The following ZFP91 variants were observed in gnomAD, a reference collection of about 807,000 sequenced individuals.
ZFP91 encodes E3 ubiquitin-protein ligase ZFP91.
Under a neutral mutation model 63.5 loss-of-function variants are expected in ZFP91, and 7 were observed. The ratio of observed to expected loss-of-function variants is 0.11; its 90% confidence interval spans 0.06 to 0.21. ZFP91 has a LOEUF of 0.21. Ranked by LOEUF, ZFP91 falls within the 10% of genes least tolerant of loss-of-function variation. The probability of loss-of-function intolerance (pLI) is 1.00; values close to 1 mark genes in which losing one functional copy is unlikely to be tolerated. For synonymous variants in ZFP91, 330 were observed against 272.1 expected (o/e 1.21, Z -2.10); for missense variants, 628 against 736.6 (o/e 0.85, Z 1.71).
chr11:58,597,538 C>A (rs1328603771), intron 2 of ZFP91, among the ~76,000 whole-genome samples: 1 of 152,144 alleles, frequency 6.6e-6, no homozygotes, highest in Non-Finnish European at 1.5e-5. Context: ...TCAAACCATT[C>A]TTTGCTGACA....
chr11:58,612,473 G>C, intron 7 of ZFP91, 145 bp downstream of exon 7: 1 of 723,452 alleles, frequency 1.4e-6, no homozygotes, highest in Non-Finnish European at 2.3e-6. Context: ...AGATGCACAG[G>C]TGTTATGATC....
At chr11:58,594,022 C>T (rs1299279644) in intron 2 of ZFP91, among the ~76,000 whole-genome samples, 6 of 152,164 alleles carry the variant, frequency 3.9e-5, no homozygotes, top group Admixed American at 6.5e-5. Context: ...TAGCTGGTTA[C>T]CTAGCATCTA....
chr11:58,611,423 A>G, intron 5 of ZFP91, 181 bp from the exon 6 acceptor site: 1 of 773,392 alleles, frequency 1.3e-6, no homozygotes, highest in Admixed American at 2.7e-5. Context: ...TCCATGAGCA[A>G]CATATACATA....
rs1855826031 is a variant in ZFP91, at chr11:58,620,230, C to G, written c.*2524C>G. 1 of 152,006 alleles carries G rather than the reference C, an allele frequency of 6.6e-6. No individual in the cohort carries two copies. Among genetic ancestry groups the G allele is most frequent in the Admixed American group, 6.6e-5 (1 of 15,264 alleles). The allele number at this position is 152,006 out of a possible 1,614,324, so 9.4% of individuals were successfully genotyped here. A position where few individuals can be genotyped will look rare whatever the true frequency, so the allele number is the denominator to read the frequency against. ...ATTTTTTATAGACTTTATATTTTTC[C>G]TTTTGATAAAGGGATGCTGCATAGT... On this transcript the variant is annotated 3_prime_UTR_variant, in exon 11 of 11. Transcript: ENST00000316059.
intron 2 of ZFP91, among the ~76,000 whole-genome samples, chr11:58,596,872 C>A (rs888228393): frequency 1.3e-4 from 20 of 152,086 alleles, no homozygotes; most frequent in Admixed American, 1.1e-3. Flanking sequence ...TCATGATGTT[C>A]TCTCTATTGG....
Position 58,580,711 on chromosome 11 carries a change from C to T in ZFP91, c.341+1089C>T, listed in dbSNP as rs373681951. Among the ~76,000 whole-genome samples, 4 of 152,228 alleles carry T rather than the reference C, an allele frequency of 2.6e-5. No individual in the cohort carries two copies. The East Asian group carries it at 7.7e-4, about 29-fold the overall frequency. Reference sequence around the variant, plus strand: ...TGTCTTGGCATGCTTGCCTTAGAAGCCTCTCAGAAAGAGAAATAAAATTCA... The same window carrying T: ...TGTCTTGGCATGCTTGCCTTAGAAGTCTCTCAGAAAGAGAAATAAAATTCA... On this transcript the variant is annotated intron_variant, in intron 1 of 10. Coordinates refer to ENST00000316059, the MANE Select transcript of ZFP91 (RefSeq NM_053023.5).
chr11:58,620,729 T>C lies in ZFP91; in HGVS notation c.*3023T>C, dbSNP rs1187450447. 6.6e-6 allele frequency: 1 copy of C among 152,650 alleles called. No individual in the cohort carries two copies. Among genetic ancestry groups the C allele is most frequent in the Non-Finnish European group, 1.5e-5 (1 of 68,034 alleles). The allele number at this position is 152,650 out of a possible 1,614,324, so 9.5% of individuals were successfully genotyped here. ...CTAAGATTATTATAGTCTGGTTGTT[T>C]GAAATACCATTTTTTTCTCCTTTTG... On this transcript the variant is annotated 3_prime_UTR_variant, in exon 11 of 11. Transcript: ENST00000316059.
chr11:58,585,744 T>C (rs1855197504), intron 2 of ZFP91, among the ~76,000 whole-genome samples: 1 of 152,206 alleles, frequency 6.6e-6, no homozygotes, highest in Non-Finnish European at 1.5e-5. Flanking sequence ...GTATTACATG[T>C]ACATGAGAAT....
Position 58,618,923 on chromosome 11 carries a change from ATGATTG to A in ZFP91, c.*1219_*1224del, listed in dbSNP as rs1384990869. 1 of 209,844 alleles carries A rather than the reference ATGATTG, an allele frequency of 4.8e-6. No individual in the cohort carries two copies. The highest frequency in any genetic ancestry group is 2.4e-5 in the African/African-American group (1 of 42,098). 13.0% of individuals were successfully genotyped at this position (209,844 alleles called of 1,614,324 possible). A position where few individuals can be genotyped will look rare whatever the true frequency, so the allele number is the denominator to read the frequency against. On this transcript the variant is annotated 3_prime_UTR_variant, in exon 11 of 11. Coordinates refer to ENST00000316059, the MANE Select transcript of ZFP91 (RefSeq NM_053023.5). ...TGTTCAGAATCTAAATTACAGATAG[ATGATTG>A]TTTCTTGTGAATTTGTTTCTTTTCC...
intron 8 of ZFP91, 27 bp from the exon 9 acceptor site, chr11:58,614,202 T>C (rs1388139427): frequency 1.9e-5 from 28 of 1,477,152 alleles, no homozygotes; most frequent in South Asian, 8.9e-5. Flanking sequence ...TTTTTTTTTT[T>C]CGCCCCTTTC....
At chr11:58,581,279 T>C (rs1328091695) in intron 1 of ZFP91, among the ~76,000 whole-genome samples, 2 of 152,262 alleles carry the variant, frequency 1.3e-5, no homozygotes, top group Non-Finnish European at 2.9e-5. Flanking sequence ...TAAAATTTCC[T>C]TTTATTCTCA....
intron 2 of ZFP91, among the ~76,000 whole-genome samples, chr11:58,608,930 A>G (rs1173567348): frequency 6.6e-6 from 1 of 152,126 alleles, no homozygotes; most frequent in Admixed American, 6.6e-5. Flanking sequence ...CTATTGGGTT[A>G]TTAGACTTTG....
At chr11:58,582,698 C>T (rs1855139032) in intron 1 of ZFP91, among the ~76,000 whole-genome samples, 1 of 152,116 alleles carries the variant, frequency 6.6e-6, no homozygotes, top group Admixed American at 6.5e-5. Context: ...CACTTAACCT[C>T]TTCATTTATA....
chr11:58,620,375 CAA>C lies in ZFP91; in HGVS notation c.*2671_*2672del, dbSNP rs1179976490. 4 of 152,186 alleles carry C rather than the reference CAA, an allele frequency of 2.6e-5. No individual in the cohort carries two copies. The highest frequency in any genetic ancestry group is 9.7e-5 in the African/African-American group (4 of 41,426). The allele number at this position is 152,186 out of a possible 1,614,324, so 9.4% of individuals were successfully genotyped here. Reference sequence around the variant, plus strand: ...AAGTTCTACATTTCATGCTCTTAGTCAAATTCTGTTACCTTTTTAATAACTCT... The same window carrying C: ...AAGTTCTACATTTCATGCTCTTAGTCATTCTGTTACCTTTTTAATAACTCT... On this transcript the variant is annotated 3_prime_UTR_variant, in exon 11 of 11. Coordinates refer to ENST00000316059, the MANE Select transcript of ZFP91 (RefSeq NM_053023.5).
At chr11:58,594,098 A>G (rs571669779) in intron 2 of ZFP91, among the ~76,000 whole-genome samples, 1 of 152,232 alleles carries the variant, frequency 6.6e-6, no homozygotes, top group Non-Finnish European at 1.5e-5. Context: ...TGCAAATCTG[A>G]TCATGTCACC....
At chr11:58,607,597 CTG>C (rs141846663) in intron 2 of ZFP91, among the ~76,000 whole-genome samples, 21,402 of 152,152 alleles carry the variant, frequency 0.14, 1,730 homozygotes, top group Admixed American at 0.19. Context: ...CTATTTATCT[CTG>C]TGTTTCAAAC....
intron 2 of ZFP91, among the ~76,000 whole-genome samples, chr11:58,593,675 A>G (rs554456956): frequency 1.3e-5 from 2 of 152,334 alleles, no homozygotes; most frequent in East Asian, 3.9e-4. Context: ...TTATGTTTGT[A>G]GCCCGCCCTG....
intron 3 of ZFP91, 36 bp from the exon 4 acceptor site, chr11:58,610,262 A>C (rs1423768424): frequency 1.3e-6 from 2 of 1,584,342 alleles, no homozygotes; most frequent in Non-Finnish European, 8.6e-7. Flanking sequence ...TTATATCTAC[A>C]CTAATAAAAT....
chr11:58,582,797 C>T (rs920954776), intron 1 of ZFP91, among the ~76,000 whole-genome samples: 6 of 150,716 alleles, frequency 4.0e-5, no homozygotes, highest in Admixed American at 3.3e-4. Context: ...ATAACAACTT[C>T]TTTTCACAAT....
Sources: gnomAD v4.1 joint callset for allele counts (sites outside exome capture counted in the v4.1 genomes callset) on GRCh38, gnomAD v4.1.1 for gene constraint, MANE v1.5 for transcripts, NCBI Gene and HGNC (gene_info 2026-07-23, HGNC 2026-07-21) for gene names.